ARB2A: variants seen among roughly 807,000 people sequenced by gnomAD.
ARB2A encodes the protein cotranscriptional regulator ARB2A.
chr5:93,649,621 G>A, the ARB2A span, among the ~76,000 whole-genome samples: 1 of 152,180 alleles, frequency 6.6e-6, no homozygotes, highest in African/African-American at 2.4e-5. Flanking sequence ...AATTTTGAAC[G>A]TGTTTGCATG....
the ARB2A span, among the ~76,000 whole-genome samples, chr5:93,652,278 T>C: frequency 6.6e-6 from 1 of 152,204 alleles, no homozygotes; most frequent in Non-Finnish European, 1.5e-5. Context: ...GAAGTAGTTC[T>C]TTCCATCATT....
the ARB2A span, among the ~76,000 whole-genome samples, chr5:93,950,143 T>G: frequency 6.6e-6 from 1 of 152,220 alleles, no homozygotes; most frequent in Admixed American, 6.5e-5. Context: ...TTCCAAATCT[T>G]GGCTATTGTG....
the ARB2A span, chr5:94,055,646 AGTAAAGTTCTTACCACCTT>A: frequency 2.0e-6 from 2 of 985,286 alleles, no homozygotes; most frequent in Non-Finnish European, 2.4e-6. Context: ...TTCATTCATT[AGTAAAGTTCTTACCACCTT>A]GTAAATCTTT....
the ARB2A span, among the ~76,000 whole-genome samples, chr5:93,745,789 T>C: frequency 6.6e-6 from 1 of 152,010 alleles, no homozygotes; most frequent in Non-Finnish European, 1.5e-5. Flanking sequence ...CTGATCTTTA[T>C]CGTCTCCCCA....
At chr5:93,992,876 C>T in the ARB2A span, among the ~76,000 whole-genome samples, 504 of 151,954 alleles carry the variant, frequency 3.3e-3, 5 homozygotes, top group Admixed American at 9.3e-3. Context: ...AAAAACAAAA[C>T]ATAAACTATT....
chr5:93,786,517 G>A, the ARB2A span, among the ~76,000 whole-genome samples: 1 of 152,156 alleles, frequency 6.6e-6, no homozygotes, highest in Non-Finnish European at 1.5e-5. Context: ...GGTGAGGAAT[G>A]GCCAAATTCC....
At chr5:93,924,241 G>C in the ARB2A span, among the ~76,000 whole-genome samples, 4 of 151,952 alleles carry the variant, frequency 2.6e-5, no homozygotes, top group Non-Finnish European at 5.9e-5. Context: ...AAAACAAAAG[G>C]GTGTGAAGAA....
the ARB2A span, among the ~76,000 whole-genome samples, chr5:94,045,408 C>G: frequency 6.6e-6 from 1 of 152,200 alleles, no homozygotes; most frequent in South Asian, 2.1e-4. Context: ...GACCCCTTTC[C>G]TACAACATAA....
chr5:93,888,746 C>T, the ARB2A span, among the ~76,000 whole-genome samples: 1 of 151,746 alleles, frequency 6.6e-6, no homozygotes, highest in Non-Finnish European at 1.5e-5. Flanking sequence ...ATTAAATATA[C>T]CACCTTTCTC....
chr5:93,886,231 T>C, the ARB2A span, among the ~76,000 whole-genome samples: 1 of 151,668 alleles, frequency 6.6e-6, no homozygotes, highest in Non-Finnish European at 1.5e-5. Flanking sequence ...AAATAAAAAA[T>C]CAGCTGAAAG....
chr5:94,081,966 T>C, the ARB2A span, among the ~76,000 whole-genome samples: 1 of 152,214 alleles, frequency 6.6e-6, no homozygotes, highest in East Asian at 1.9e-4. Context: ...TTTAAAGAAC[T>C]TCTCTCTTGT....
At chr5:93,631,310 C>T in the ARB2A span, among the ~76,000 whole-genome samples, 3 of 152,106 alleles carry the variant, frequency 2.0e-5, no homozygotes, top group East Asian at 1.9e-4. Flanking sequence ...TTTGTTACTT[C>T]GATTGCCTAT....
chr5:94,108,327 C>T, the ARB2A span, among the ~76,000 whole-genome samples: 1 of 151,492 alleles, frequency 6.6e-6, no homozygotes, highest in Admixed American at 6.6e-5. Context: ...GAACTGTTTT[C>T]ATGGCAATTT....
chr5:94,067,858 G>A, the ARB2A span, among the ~76,000 whole-genome samples: 1 of 152,052 alleles, frequency 6.6e-6, no homozygotes, highest in Admixed American at 6.6e-5. Context: ...AGCTCAAATA[G>A]CCAAAACAAT....
At chr5:94,050,087 A>C in the ARB2A span, among the ~76,000 whole-genome samples, 2 of 151,844 alleles carry the variant, frequency 1.3e-5, no homozygotes, top group African/African-American at 4.8e-5. Context: ...CTATAGGCAC[A>C]CACCACTATT....
the ARB2A span, among the ~76,000 whole-genome samples, chr5:94,103,283 T>C: frequency 9.2e-5 from 14 of 152,048 alleles, no homozygotes; most frequent in Non-Finnish European, 1.9e-4. Flanking sequence ...CCCTCTCACA[T>C]GCAATGACAC....
At chr5:94,025,145 T>A in the ARB2A span, among the ~76,000 whole-genome samples, 1 of 152,216 alleles carries the variant, frequency 6.6e-6, no homozygotes, top group Non-Finnish European at 1.5e-5. Flanking sequence ...ATAGATGGAC[T>A]ACATTGGAAT....
chr5:93,762,384 A>C, the ARB2A span, among the ~76,000 whole-genome samples: 1 of 152,258 alleles, frequency 6.6e-6, no homozygotes, highest in African/African-American at 2.4e-5. Flanking sequence ...AAACCAAGGC[A>C]TGAGAACTAC....
At chr5:93,659,885 C>T in the ARB2A span, among the ~76,000 whole-genome samples, 1 of 152,140 alleles carries the variant, frequency 6.6e-6, no homozygotes, top group Non-Finnish European at 1.5e-5. Flanking sequence ...TCTTCTTTCA[C>T]AATGCACCTG....
Sources: gnomAD v4.1 joint callset for allele counts (sites outside exome capture counted in the v4.1 genomes callset) on GRCh38, gnomAD v4.1.1 for gene constraint, MANE v1.5 for transcripts, NCBI Gene and HGNC (gene_info 2026-07-23, HGNC 2026-07-21) for gene names.